Variants in RAB2A observed in about 807,000 individuals in gnomAD.
RAB2A encodes RAB2A, member RAS oncogene family, also known as ras-related protein Rab-2A.
RAB2A carries 7 observed loss-of-function variants against 32.5 expected under a neutral mutation model. That is an observed-to-expected ratio of 0.22 (90% CI 0.12 to 0.40). RAB2A has a LOEUF of 0.40. Ranked by LOEUF, RAB2A falls within the 10% of genes least tolerant of loss-of-function variation. The pLI is 1.00. For synonymous variants in RAB2A, 79 were observed against 85.2 expected (o/e 0.93, Z 0.40); for missense variants, 108 against 260.7 (o/e 0.41, Z 4.03).
intron 1 of RAB2A, among the ~76,000 whole-genome samples, chr8:60,550,559 A>AT (rs1239310508): frequency 2.1e-4 from 31 of 150,962 alleles, no homozygotes; most frequent in Admixed American, 4.0e-4. Context: ...AGTTTTTTGT[A>AT]TTTTTTTTGT....
rs529725588 is a variant in RAB2A at position 60,584,006 on chromosome 8, A to G, written c.187-202A>G. 42 of 465,982 alleles carry G rather than the reference A, an allele frequency of 9.0e-5. No homozygotes were observed. The East Asian group carries it at 1.4e-3, about 16-fold the overall frequency. The allele number at this position is 465,982 out of a possible 1,614,324, so 28.9% of individuals were successfully genotyped here. A position where few individuals can be genotyped will look rare whatever the true frequency, so the allele number is the denominator to read the frequency against. Reference sequence around the variant, plus strand: ...AGGTTGCAGGAGCGACTACATGTGCACTACATGTGCGTCTCGTTGACTTGA... The same window carrying G: ...AGGTTGCAGGAGCGACTACATGTGCGCTACATGTGCGTCTCGTTGACTTGA... On this transcript the variant is annotated intron_variant, in intron 3 of 7. Transcript: ENST00000262646.
At chr8:60,617,680 G>GT (rs1341133924) in intron 6 of RAB2A, among the ~76,000 whole-genome samples, 1 of 152,138 alleles carries the variant, frequency 6.6e-6, no homozygotes. Context: ...GGGAGGCAGA[G>GT]GTTGCAGTGA....
intron 5 of RAB2A, among the ~76,000 whole-genome samples, chr8:60,589,679 C>T (rs1004383335): frequency 1.3e-5 from 2 of 152,104 alleles, no homozygotes; most frequent in African/African-American, 4.8e-5. Flanking sequence ...AAGTGGGATT[C>T]AGAGGGAGTG....
At chr8:60,547,233 G>A (rs1807745034) in intron 1 of RAB2A, among the ~76,000 whole-genome samples, 1 of 152,078 alleles carries the variant, frequency 6.6e-6, no homozygotes, top group Non-Finnish European at 1.5e-5. Context: ...CGATCAACAG[G>A]ATCCCAAGGC....
intron 1 of RAB2A, among the ~76,000 whole-genome samples, chr8:60,546,503 G>A (rs1427153042): frequency 6.6e-6 from 1 of 152,170 alleles, no homozygotes; most frequent in Admixed American, 6.5e-5. Flanking sequence ...GTTGGTAAAG[G>A]AATATAGTAC....
At chr8:60,602,148 G>A (rs1804144807) in intron 6 of RAB2A, among the ~76,000 whole-genome samples, 2 of 152,102 alleles carry the variant, frequency 1.3e-5, no homozygotes, top group African/African-American at 4.8e-5. Flanking sequence ...AACGTGCTGG[G>A]ATTACAGGCT....
At chr8:60,591,188 T>TC (rs987878368) in intron 5 of RAB2A, among the ~76,000 whole-genome samples, 1 of 150,772 alleles carries the variant, frequency 6.6e-6, no homozygotes, top group Non-Finnish European at 1.5e-5. Context: ...CTACCTCCCC[T>TC]CCCCCCCACT....
At chr8:60,565,535 T>G (rs931167460) in intron 2 of RAB2A, among the ~76,000 whole-genome samples, 3 of 152,054 alleles carry the variant, frequency 2.0e-5, no homozygotes, top group African/African-American at 7.2e-5. Flanking sequence ...AGGAAATCAG[T>G]TTTAAAATAT....
At chr8:60,583,775 TA>T (rs1394201864) in intron 3 of RAB2A, among the ~76,000 whole-genome samples, 1 of 152,218 alleles carries the variant, frequency 6.6e-6, no homozygotes, top group Admixed American at 6.5e-5. Context: ...TTATTTATTC[TA>T]GTGTCAACAG....
At position 60,547,880 on chromosome 8, in the gene RAB2A, C is replaced by T. The variant is rs1231241130; in HGVS notation, c.47-10972C>T. 1.6e-3 allele frequency among the ~76,000 whole-genome samples: 194 copies of T among 122,944 alleles called. 2 individuals carry two copies. The highest frequency in any genetic ancestry group is 2.5e-3 in the Non-Finnish European group (147 of 58,474). The allele number at this position is 122,944 out of a possible 152,430, so 80.7% of individuals were successfully genotyped here. ...ACGGGGCGGCTGGCCGGGCGGGGGG[C>T]TGACCCCCCTACCTCCCTCCCGGAC... On this transcript the variant is annotated intron_variant, in intron 1 of 7. Coordinates refer to ENST00000262646, the MANE Select transcript of RAB2A (RefSeq NM_002865.3).
intron 1 of RAB2A, among the ~76,000 whole-genome samples, chr8:60,542,371 C>G (rs7005259): frequency 0.082 from 12,456 of 152,064 alleles, 1,548 homozygotes; most frequent in African/African-American, 0.27. Context: ...AAAAATTAGC[C>G]AGGCGTGGTG....
chr8:60,559,637 GT>G (rs1441785091), intron 2 of RAB2A, among the ~76,000 whole-genome samples: 1 of 152,144 alleles, frequency 6.6e-6, no homozygotes, highest in Non-Finnish European at 1.5e-5. Context: ...GTTTTTATTT[GT>G]TTAAAAATTA....
intron 2 of RAB2A, among the ~76,000 whole-genome samples, chr8:60,568,210 A>G (rs1386804599): frequency 1.3e-5 from 2 of 152,066 alleles, no homozygotes; most frequent in East Asian, 3.9e-4. Context: ...TTAGCACCCC[A>G]CCTAGTACCT....
chr8:60,520,264 G>A (rs1485900915), intron 1 of RAB2A, among the ~76,000 whole-genome samples: 1 of 152,162 alleles, frequency 6.6e-6, no homozygotes, highest in Non-Finnish European at 1.5e-5. Context: ...TTTTCTTACT[G>A]TAAGACTAAA....
chr8:60,567,407 T>C (rs1808131859), intron 2 of RAB2A, among the ~76,000 whole-genome samples: 1 of 152,206 alleles, frequency 6.6e-6, no homozygotes, highest in Non-Finnish European at 1.5e-5. Flanking sequence ...GGCAATATCA[T>C]ACTGTGGTAG....
chr8:60,585,953 C>A (rs1442610659), intron 5 of RAB2A, among the ~76,000 whole-genome samples: 1 of 152,138 alleles, frequency 6.6e-6, no homozygotes, highest in East Asian at 1.9e-4. Context: ...TCTCTGCAGT[C>A]TTTGAAAATG....
chr8:60,522,351 A>G (rs1472182826), intron 1 of RAB2A, among the ~76,000 whole-genome samples: 2 of 152,156 alleles, frequency 1.3e-5, no homozygotes, highest in African/African-American at 4.8e-5. Flanking sequence ...TATGTTGTTA[A>G]AAAACTGTGG....
chr8:60,614,758 C>T (rs1804421047), intron 6 of RAB2A, among the ~76,000 whole-genome samples: 1 of 152,036 alleles, frequency 6.6e-6, no homozygotes, highest in Non-Finnish European at 1.5e-5. Context: ...CTGCCAAACA[C>T]TGAAAGATTA....
intron 1 of RAB2A, among the ~76,000 whole-genome samples, chr8:60,539,541 G>A (rs1035141823): frequency 6.6e-6 from 1 of 152,146 alleles, no homozygotes; most frequent in Non-Finnish European, 1.5e-5. Flanking sequence ...TCTTAAACTG[G>A]TCGTGTACTT....
Sources: gnomAD v4.1 joint callset for allele counts (sites outside exome capture counted in the v4.1 genomes callset) on GRCh38, gnomAD v4.1.1 for gene constraint, MANE v1.5 for transcripts, NCBI Gene and HGNC (gene_info 2026-07-23, HGNC 2026-07-21) for gene names.